Variants in RNF125 observed in about 807,000 individuals in gnomAD.
RNF125 encodes the protein E3 ubiquitin-protein ligase RNF125.
RNF125 carries 21 observed loss-of-function variants against 26.0 expected under a neutral mutation model. The observed-to-expected ratio is 0.81, with a 90% CI of 0.57 to 1.16. The LOEUF (loss-of-function observed/expected upper bound fraction) is 1.16, where lower values mean the gene tolerates loss of function less well. Among genes scored for constraint, RNF125 ranks in the 50% most tolerant of loss-of-function variants. The probability of loss-of-function intolerance (pLI) is 0.00; values close to 1 mark genes in which losing one functional copy is unlikely to be tolerated. For synonymous variants in RNF125, 95 were observed against 109.2 expected (o/e 0.87, Z 0.81); for missense variants, 270 against 299.4 (o/e 0.90, Z 0.72).
intron 5 of RNF125, 102 bp downstream of exon 5, chr18:32,066,111 A>G: frequency 2.8e-6 from 2 of 723,928 alleles, no homozygotes; most frequent in Non-Finnish European, 4.8e-6. Flanking sequence ...AAATGTGTAT[A>G]TAGCTATAGT....
chr18:32,088,069 A>G, the RNF125 span, among the ~76,000 whole-genome samples: 1 of 152,144 alleles, frequency 6.6e-6, no homozygotes. Flanking sequence ...CCTTTCATGG[A>G]ACAGTTGTGT....
intron 1 of RNF125, among the ~76,000 whole-genome samples, chr18:32,029,412 C>G (rs1318901874): frequency 6.6e-6 from 1 of 150,576 alleles, no homozygotes; most frequent in South Asian, 2.1e-4. Context: ...CTGCTTGAAC[C>G]CCAGAGTTTG....
downstream of RNF125, chr18:32,075,981 A>C (rs530263359): frequency 7.7e-7 from 1 of 1,302,426 alleles, no homozygotes; most frequent in Non-Finnish European, 1.1e-6. Flanking sequence ...CAATGAAACC[A>C]AACTGGCAGG....
Position 32,045,750 on chromosome 18 carries a change from A to G in RNF125, c.504+18A>G, listed in dbSNP as rs2039264230. On this transcript the variant is annotated intron_variant, in intron 4 of 5. Coordinates refer to ENST00000217740, the MANE Select transcript of RNF125 (RefSeq NM_017831.4). ...GGCCTGTGGTAAGGATTTTTGTTAC[A>G]TGTATTACAGCAATGTCTGAATTCA... 3 of 1,521,060 alleles carry G rather than the reference A, an allele frequency of 2.0e-6. No homozygotes were observed. The highest frequency in any genetic ancestry group is 2.7e-6 in the Non-Finnish European group (3 of 1,097,700). The allele number at this position is 1,521,060 out of a possible 1,614,324, so 94.2% of individuals were successfully genotyped here.
intron 4 of RNF125, among the ~76,000 whole-genome samples, chr18:32,048,654 C>T (rs2144489015): frequency 6.6e-6 from 1 of 152,212 alleles, no homozygotes; most frequent in South Asian, 2.1e-4. Flanking sequence ...CCCCTGTGGT[C>T]TATAGCAAGT....
At chr18:32,076,739 C>A (rs2039573309), downstream of RNF125, among the ~76,000 whole-genome samples, 1 of 152,164 alleles carries the variant, frequency 6.6e-6, no homozygotes, top group Admixed American at 6.5e-5. Context: ...TATACTTCGG[C>A]CACACTGTTA....
At chr18:32,060,468 G>T (rs909461353) in intron 4 of RNF125, among the ~76,000 whole-genome samples, 1 of 152,100 alleles carries the variant, frequency 6.6e-6, no homozygotes, top group African/African-American at 2.4e-5. Flanking sequence ...GCTATTATTT[G>T]CCCATTGCAT....
chr18:32,062,927 A>T (rs1361750181), intron 4 of RNF125, among the ~76,000 whole-genome samples: 1 of 152,166 alleles, frequency 6.6e-6, no homozygotes, highest in Non-Finnish European at 1.5e-5. Flanking sequence ...ACTTTAAAAA[A>T]TGAATACATG....
At chr18:32,034,202 T>C (rs2039127944) in intron 1 of RNF125, among the ~76,000 whole-genome samples, 2 of 152,102 alleles carry the variant, frequency 1.3e-5, no homozygotes, top group South Asian at 4.2e-4. Flanking sequence ...TTGGGTACCT[T>C]CTCTCCCTTC....
At chr18:32,080,686 T>C in the RNF125 span, among the ~76,000 whole-genome samples, 2,369 of 152,332 alleles carry the variant, frequency 0.016, 72 homozygotes, top group African/African-American at 0.054. Context: ...ATAACGCTAC[T>C]GTCTTATACA....
intron 1 of RNF125, among the ~76,000 whole-genome samples, chr18:32,021,589 C>G (rs1042749805): frequency 6.6e-6 from 1 of 152,164 alleles, no homozygotes; most frequent in African/African-American, 2.4e-5. Context: ...CTAAAGATAT[C>G]TCCATTTAAA....
chr18:32,044,755 T>C (rs934641913), intron 3 of RNF125, among the ~76,000 whole-genome samples: 1 of 152,190 alleles, frequency 6.6e-6, no homozygotes, highest in African/African-American at 2.4e-5. Flanking sequence ...TGGGGTGTTA[T>C]TTGTTTTCCA....
chr18:32,077,334 AT>A (rs552701343), downstream of RNF125, among the ~76,000 whole-genome samples: 1,596 of 107,818 alleles, frequency 0.015, 15 homozygotes, highest in African/African-American at 0.048. Context: ...CCCTCTCCCC[AT>A]TTTTTTTTTT....
At chr18:32,066,659 A>G (rs373037885) in intron 5 of RNF125, among the ~76,000 whole-genome samples, 5 of 152,194 alleles carry the variant, frequency 3.3e-5, no homozygotes, top group Admixed American at 6.5e-5. Flanking sequence ...AACCTCGGAA[A>G]CTCAGTTTGT....
At chr18:32,050,865 C>CCTTTTTTTT (rs1491509832) in intron 4 of RNF125, among the ~76,000 whole-genome samples, 2 of 46,342 alleles carry the variant, frequency 4.3e-5, no homozygotes, top group African/African-American at 7.7e-5. Flanking sequence ...GTCTAGAGTG[C>CCTTTTTTTT]TTTTTTTTTT....
At chr18:32,020,197 AC>A (rs1167094768) in intron 1 of RNF125, among the ~76,000 whole-genome samples, 1 of 151,208 alleles carries the variant, frequency 6.6e-6, no homozygotes, top group East Asian at 2.0e-4. Context: ...ACAGGCGCCC[AC>A]CCCCACACCC....
At chr18:32,020,722 G>A (rs1235419142) in intron 1 of RNF125, among the ~76,000 whole-genome samples, 4 of 151,306 alleles carry the variant, frequency 2.6e-5, no homozygotes, top group Non-Finnish European at 5.9e-5. Flanking sequence ...CAGCCTGGCC[G>A]ACATGGTGAA....
chr18:32,021,641 CAT>C lies in RNF125; in HGVS notation c.164+2616_164+2617del, dbSNP rs371425252. Among the ~76,000 whole-genome samples, 62 of 152,274 alleles carry C rather than the reference CAT, an allele frequency of 4.1e-4. 1 individual carries two copies. In the South Asian group the frequency reaches 0.011, roughly 26 times the overall value. On this transcript the variant is annotated intron_variant, in intron 1 of 5. Transcript: ENST00000217740. ...ATTAAAACTTTAAAGTTGTGCAAAA[CAT>C]AAACAGTGGGCGTTTTGAAGATTCT...
the RNF125 span, among the ~76,000 whole-genome samples, chr18:32,090,569 TAA>T: frequency 6.6e-6 from 1 of 152,238 alleles, no homozygotes; most frequent in Non-Finnish European, 1.5e-5. Context: ...ATTTCCTCCA[TAA>T]AGTTTTCTGT....
Sources: gnomAD v4.1 joint callset for allele counts (sites outside exome capture counted in the v4.1 genomes callset) on GRCh38, gnomAD v4.1.1 for gene constraint, MANE v1.5 for transcripts, NCBI Gene and HGNC (gene_info 2026-07-23, HGNC 2026-07-21) for gene names.